Variants in SLC24A2 observed in about 807,000 individuals in gnomAD.
The protein encoded by SLC24A2 is solute carrier family 24 member 2, also known as sodium/potassium/calcium exchanger 2.
In SLC24A2, 36 loss-of-function variants were observed where a neutral mutation model predicts 62.0. That is an observed-to-expected ratio of 0.58 (90% CI 0.44 to 0.77). The LOEUF is 0.77. Among genes scored for constraint, SLC24A2 ranks in the 30% least tolerant of loss-of-function variants. The pLI, the probability that SLC24A2 is intolerant of heterozygous loss-of-function variation, is 0.00. For synonymous variants in SLC24A2, 358 were observed against 294.0 expected (o/e 1.22, Z -2.23); for missense variants, 846 against 817.9 (o/e 1.03, Z -0.42).
intron 2 of SLC24A2, among the ~76,000 whole-genome samples, chr9:19,742,786 A>G (rs577406441): frequency 1.1e-4 from 16 of 152,200 alleles, no homozygotes; most frequent in Non-Finnish European, 1.6e-4. Flanking sequence ...ACATACATAC[A>G]CCTGTCCTCA....
At chr9:19,534,171 A>T (rs983299083) in intron 8 of SLC24A2, among the ~76,000 whole-genome samples, 7 of 152,080 alleles carry the variant, frequency 4.6e-5, no homozygotes, top group Non-Finnish European at 1.0e-4. Context: ...CTGTGGGGGG[A>T]AAACCCATCA....
chr9:20,095,482 G>C, the SLC24A2 span, among the ~76,000 whole-genome samples: 1 of 152,176 alleles, frequency 6.6e-6, no homozygotes, highest in Non-Finnish European at 1.5e-5. Flanking sequence ...CATCCTATCA[G>C]TTGAGCCTGA....
chr9:19,800,773 A>ACAT, the SLC24A2 span, among the ~76,000 whole-genome samples: 5 of 152,182 alleles, frequency 3.3e-5, no homozygotes, highest in Non-Finnish European at 7.3e-5. Context: ...GATGTAATGG[A>ACAT]CATAATTATG....
chr9:19,894,012 C>T, the SLC24A2 span, among the ~76,000 whole-genome samples: 917 of 152,204 alleles, frequency 6.0e-3, 11 homozygotes, highest in African/African-American at 0.018. Context: ...ACCATCGATC[C>T]GAGCTATATC....
the SLC24A2 span, among the ~76,000 whole-genome samples, chr9:20,220,836 C>T: frequency 6.6e-6 from 1 of 152,122 alleles, no homozygotes; most frequent in Non-Finnish European, 1.5e-5. Flanking sequence ...CCAACCCTCA[C>T]CTACCTAAAC....
At chr9:20,158,065 C>G in the SLC24A2 span, among the ~76,000 whole-genome samples, 13 of 151,572 alleles carry the variant, frequency 8.6e-5, no homozygotes, top group African/African-American at 3.1e-4. Context: ...TATTCTTAAG[C>G]AACCATTTAG....
At chr9:20,175,499 ATAT>A in the SLC24A2 span, among the ~76,000 whole-genome samples, 3 of 152,126 alleles carry the variant, frequency 2.0e-5, no homozygotes, top group African/African-American at 4.8e-5. Flanking sequence ...AAAATGATAA[ATAT>A]TATGCTATGT....
At chr9:20,106,011 G>A in the SLC24A2 span, among the ~76,000 whole-genome samples, 1 of 151,998 alleles carries the variant, frequency 6.6e-6, no homozygotes, top group Non-Finnish European at 1.5e-5. Context: ...AATGATAAAG[G>A]GAATATCACC....
chr9:19,912,871 G>A, the SLC24A2 span, among the ~76,000 whole-genome samples: 4 of 152,046 alleles, frequency 2.6e-5, no homozygotes, highest in Non-Finnish European at 5.9e-5. Context: ...ATGCCTGGTT[G>A]ACATACAGAA....
chr9:19,772,043 G>T (rs974046885), intron 2 of SLC24A2, among the ~76,000 whole-genome samples: 1 of 152,202 alleles, frequency 6.6e-6, no homozygotes, highest in African/African-American at 2.4e-5. Flanking sequence ...TAACTGCTTT[G>T]CTGGTAGGGC....
the SLC24A2 span, among the ~76,000 whole-genome samples, chr9:20,300,128 T>C: frequency 3.3e-5 from 5 of 152,220 alleles, no homozygotes; most frequent in African/African-American, 1.2e-4. Flanking sequence ...TTTTAAAATT[T>C]TTATGGATAC....
chr9:20,276,840 C>T, the SLC24A2 span, among the ~76,000 whole-genome samples: 1 of 152,234 alleles, frequency 6.6e-6, no homozygotes, highest in African/African-American at 2.4e-5. Flanking sequence ...CTTGCACCCT[C>T]TGAAGCAATG....
intron 2 of SLC24A2, among the ~76,000 whole-genome samples, chr9:19,624,951 T>C (rs1462644036): frequency 6.6e-6 from 1 of 152,216 alleles, no homozygotes; most frequent in African/African-American, 2.4e-5. Context: ...AATTCAATTT[T>C]AAAGGGGTTT....
At chr9:19,549,988 A>G (rs537479584) in intron 8 of SLC24A2, 149 bp downstream of exon 8, 10 of 737,602 alleles carry the variant, frequency 1.4e-5, no homozygotes, top group East Asian at 2.8e-5. Context: ...TTCTTGTTAC[A>G]TAATAGTTGT....
At chr9:20,011,000 A>G in the SLC24A2 span, among the ~76,000 whole-genome samples, 2 of 152,086 alleles carry the variant, frequency 1.3e-5, no homozygotes, top group Non-Finnish European at 2.9e-5. Flanking sequence ...TTCTTAATCC[A>G]GTCTATCATT....
the SLC24A2 span, among the ~76,000 whole-genome samples, chr9:20,206,563 C>G: frequency 6.6e-6 from 1 of 152,112 alleles, no homozygotes; most frequent in African/African-American, 2.4e-5. Flanking sequence ...AATCTCGGCT[C>G]ACTGCAACCT....
At chr9:19,842,080 C>T in the SLC24A2 span, among the ~76,000 whole-genome samples, 1 of 152,190 alleles carries the variant, frequency 6.6e-6, no homozygotes, top group African/African-American at 2.4e-5. Flanking sequence ...AGATTGATTA[C>T]ATTAGACATC....
the SLC24A2 span, among the ~76,000 whole-genome samples, chr9:20,218,848 A>C: frequency 0.11 from 17,119 of 152,120 alleles, 1,145 homozygotes; most frequent in Middle Eastern, 0.18. Flanking sequence ...ATTCTCCACT[A>C]CCGAGTCTCA....
the SLC24A2 span, among the ~76,000 whole-genome samples, chr9:20,196,888 C>T: frequency 1.3e-5 from 2 of 152,168 alleles, no homozygotes; most frequent in South Asian, 4.1e-4. Context: ...TTCCTTTGTC[C>T]ATGCATATAT....
Sources: gnomAD v4.1 joint callset for allele counts (sites outside exome capture counted in the v4.1 genomes callset) on GRCh38, gnomAD v4.1.1 for gene constraint, MANE v1.5 for transcripts, NCBI Gene and HGNC (gene_info 2026-07-23, HGNC 2026-07-21) for gene names.